The following SULT2B1 variants were observed in gnomAD, a reference collection of about 807,000 sequenced individuals.
SULT2B1 encodes the protein sulfotransferase 2B1.
In SULT2B1, 16 loss-of-function variants were observed where a neutral mutation model predicts 33.2. That is an observed-to-expected ratio of 0.48 (90% CI 0.33 to 0.73). SULT2B1 has a LOEUF of 0.73. Ranked by LOEUF, SULT2B1 falls within the 30% of genes least tolerant of loss-of-function variation. SULT2B1 has a pLI of 0.02. For missense variants in SULT2B1, 500 were observed against 506.0 expected (o/e 0.99, Z 0.11); for synonymous variants, 186 against 200.5 (o/e 0.93, Z 0.61).
intron 1 of SULT2B1, among the ~76,000 whole-genome samples, chr19:48,557,539 C>CA (rs202237299): frequency 0.016 from 2,262 of 142,258 alleles, 50 homozygotes; most frequent in African/African-American, 0.054. Context: ...AACTCCATCT[C>CA]AAAAAAAGAA....
At position 48,596,879 on chromosome 19, in the gene SULT2B1, C is replaced by T. The variant is rs1038953511; in HGVS notation, c.786C>T (p.Pro262=). ...NTMSNYTLLP[P]SLLDHRRGAF... ...TGTCCAACTACACGCTGCTGCCTCC[C>T]AGCCTGCTGGACCACCGTCGCGGGG... The change falls in exon 6 of 7, where the codon CCC becomes CCT. Residue 262 remains proline, a synonymous_variant. Transcript: ENST00000201586. 6.2e-7 allele frequency: 1 copy of T among 1,606,398 alleles called. No homozygotes were observed. Among genetic ancestry groups the T allele is most frequent in the Non-Finnish European group, 8.5e-7 (1 of 1,179,334 alleles).
At chr19:48,592,931 G>GC (rs1195408546) in intron 5 of SULT2B1, 115 bp downstream of exon 5, 8 of 862,628 alleles carry the variant, frequency 9.3e-6, no homozygotes, top group Non-Finnish European at 1.5e-5. Context: ...CAATGCGCCA[G>GC]CCCCTGGGGA....
At chr19:48,569,547 G>GATA (rs1316327254) in intron 1 of SULT2B1, among the ~76,000 whole-genome samples, 1 of 151,492 alleles carries the variant, frequency 6.6e-6, no homozygotes, top group Non-Finnish European at 1.5e-5. Flanking sequence ...TTTTTAAAGA[G>GATA]ATTGGGTTCT....
At chr19:48,592,879 C>A in intron 5 of SULT2B1, 63 bp downstream of exon 5, 1 of 1,420,016 alleles carries the variant, frequency 7.0e-7, no homozygotes, top group Non-Finnish European at 9.7e-7. Context: ...ACCCCACACT[C>A]TCCCCTTCCC....
intron 1 of SULT2B1, among the ~76,000 whole-genome samples, chr19:48,555,242 C>T (rs1973082908): frequency 6.6e-6 from 1 of 152,066 alleles, no homozygotes; most frequent in African/African-American, 2.4e-5. Context: ...CAGGCACCCG[C>T]CACCATGCCT....
At chr19:48,587,492 A>G in intron 3 of SULT2B1, 55 bp downstream of exon 3, 6 of 1,579,940 alleles carry the variant, frequency 3.8e-6, no homozygotes, top group Non-Finnish European at 5.2e-6. Flanking sequence ...GTATGGGGTA[A>G]TGGGGGGACG....
chr19:48,566,968 A>G (rs1040167325), intron 1 of SULT2B1, among the ~76,000 whole-genome samples: 5 of 151,930 alleles, frequency 3.3e-5, no homozygotes, highest in African/African-American at 1.2e-4. Context: ...GTGTCACTGC[A>G]CTCCAACCTG....
intron 5 of SULT2B1, 64 bp from the exon 6 acceptor site, chr19:48,596,675 A>C (rs1250571884): frequency 1.4e-6 from 2 of 1,475,688 alleles, no homozygotes; most frequent in African/African-American, 2.8e-5. Context: ...TGCGGATCCC[A>C]GGTTCCACGC....
At chr19:48,553,202 C>T (rs1464139176) in intron 1 of SULT2B1, among the ~76,000 whole-genome samples, 1 of 152,190 alleles carries the variant, frequency 6.6e-6, no homozygotes, top group African/African-American at 2.4e-5. Context: ...TGCACTCTTG[C>T]CAAGTGAGAC....
intron 6 of SULT2B1, 74 bp downstream of exon 6, chr19:48,596,993 C>A: frequency 7.1e-7 from 1 of 1,415,180 alleles, no homozygotes; most frequent in Non-Finnish European, 9.4e-7. Flanking sequence ...TACTTAACCT[C>A]TCTGGGCCTC....
At chr19:48,568,705 C>G (rs2147604948) in intron 1 of SULT2B1, among the ~76,000 whole-genome samples, 1 of 152,272 alleles carries the variant, frequency 6.6e-6, no homozygotes, top group East Asian at 1.9e-4. Flanking sequence ...GTGGGGGAGT[C>G]TTGGCAATGC....
At chr19:48,559,348 TTTTTGTTTTGTTTTG>T (rs10577756) in intron 1 of SULT2B1, among the ~76,000 whole-genome samples, 229 of 148,834 alleles carry the variant, frequency 1.5e-3, no homozygotes, top group African/African-American at 4.1e-3. Context: ...TTGGTTTTGT[TTTTTGTTTTGTTTTG>T]TTTTGTTTTG....
intron 1 of SULT2B1, among the ~76,000 whole-genome samples, chr19:48,554,223 C>T (rs997817202): frequency 6.6e-6 from 1 of 151,870 alleles, no homozygotes; most frequent in African/African-American, 2.4e-5. Flanking sequence ...CTCTCCCCAG[C>T]GAGCCTGCTG....
intron 2 of SULT2B1, among the ~76,000 whole-genome samples, chr19:48,576,638 T>C (rs1467497059): frequency 2.7e-5 from 3 of 109,960 alleles, no homozygotes; most frequent in African/African-American, 7.2e-5. Flanking sequence ...CCAAATTGTA[T>C]ACTTTTTTTT....
At chr19:48,568,653 C>T (rs1261333673) in intron 1 of SULT2B1, among the ~76,000 whole-genome samples, 4 of 152,144 alleles carry the variant, frequency 2.6e-5, no homozygotes, top group Non-Finnish European at 5.9e-5. Context: ...CTGCTTGGCG[C>T]GTCCTGGGAG....
At chr19:48,581,510 A>T (rs1182593891) in intron 2 of SULT2B1, among the ~76,000 whole-genome samples, 1 of 114,522 alleles carries the variant, frequency 8.7e-6, no homozygotes, top group Non-Finnish European at 1.7e-5. Context: ...TCGCTCTGTC[A>T]CCTAGGCTGG....
intron 1 of SULT2B1, among the ~76,000 whole-genome samples, chr19:48,564,551 CAAAAAA>C (rs770217698): frequency 5.2e-5 from 3 of 57,646 alleles, no homozygotes; most frequent in African/African-American, 1.4e-4. Flanking sequence ...GACTCCGTCT[CAAAAAA>C]AAAAAAAAAA....
At chr19:48,581,231 C>CG (rs1973482846) in intron 2 of SULT2B1, among the ~76,000 whole-genome samples, 3 of 141,434 alleles carry the variant, frequency 2.1e-5, no homozygotes, top group South Asian at 4.5e-4. Context: ...TTTAGTAGAT[C>CG]GGGGGTTTCT....
At position 48,574,268 on chromosome 19, in the gene SULT2B1, A is replaced by C. The variant is rs76497984; in HGVS notation, c.72-1673A>C. Among the ~76,000 whole-genome samples, 1,185 of 149,828 alleles carry C rather than the reference A, an allele frequency of 7.9e-3. 20 individuals are homozygous for C. Among genetic ancestry groups the C allele is most frequent in the African/African-American group, 0.027 (1,075 of 39,352 alleles). ...TCCTTTTGTCCTGGTAAACCCCTTC[A>C]TTCCTTCCTTCCTTCCTTCCTACAC... On this transcript the variant is annotated intron_variant, in intron 1 of 6. Coordinates refer to ENST00000201586, the MANE Select transcript of SULT2B1 (RefSeq NM_177973.2).
Sources: allele counts gnomAD v4.1 joint callset (sites outside exome capture counted in the v4.1 genomes callset), GRCh38; gene constraint gnomAD v4.1.1; transcripts MANE v1.5; gene names NCBI Gene and HGNC (gene_info 2026-07-23, HGNC 2026-07-21).